NBEA: variants seen among roughly 807,000 people sequenced by gnomAD.
NBEA encodes neurobeachin.
In NBEA, 44 loss-of-function variants were observed where a neutral mutation model predicts 343.4. That is an observed-to-expected ratio of 0.13 (90% CI 0.10 to 0.16). The LOEUF is 0.16. NBEA is among the 10% of genes least tolerant of loss of function. NBEA has a pLI of 1.00. For synonymous variants in NBEA, 1,175 were observed against 1,238.7 expected (o/e 0.95, Z 1.08); for missense variants, 2,555 against 3,631.3 (o/e 0.70, Z 7.62).
chr13:35,433,960 T>C (rs2152931858), intron 39 of NBEA, among the ~76,000 whole-genome samples: 1 of 152,206 alleles, frequency 6.6e-6, no homozygotes, highest in South Asian at 2.1e-4. Context: ...TGGAAACATA[T>C]AAAGACAATT....
chr13:35,604,408 A>T (rs2082196093), intron 47 of NBEA, among the ~76,000 whole-genome samples: 1 of 152,056 alleles, frequency 6.6e-6, no homozygotes. Flanking sequence ...AGTGTGAGCC[A>T]TCTAATTCCC....
chr13:34,987,425 C>T (rs1409946460), intron 1 of NBEA, among the ~76,000 whole-genome samples: 1 of 150,910 alleles, frequency 6.6e-6, no homozygotes, highest in Non-Finnish European at 1.5e-5. Context: ...CTGCCCTTAA[C>T]ATTTTTTCCT....
At chr13:35,280,491 AC>A (rs1055088619) in intron 34 of NBEA, among the ~76,000 whole-genome samples, 1 of 152,050 alleles carries the variant, frequency 6.6e-6, no homozygotes, top group African/African-American at 2.4e-5. Context: ...TTTTAATTCC[AC>A]CATTTTCTAA....
chr13:34,993,433 T>A (rs1384297820), intron 1 of NBEA, among the ~76,000 whole-genome samples: 2 of 152,236 alleles, frequency 1.3e-5, no homozygotes, highest in African/African-American at 4.8e-5. Context: ...TTTCTGCATC[T>A]ATTACAGACC....
In NBEA at chr13:35,598,991, A is replaced by G. The variant is rs1328577882; in HGVS notation, c.7296+5544A>G. Among the ~76,000 whole-genome samples the G allele has an allele frequency of 2.0e-5, 3 of 152,286 alleles. No individual in the cohort carries two copies. The East Asian group carries it at 5.8e-4, about 29-fold the overall frequency. On this transcript the variant is annotated intron_variant, in intron 47 of 58. Coordinates refer to ENST00000379939, the MANE Select transcript of NBEA (RefSeq NM_001385012.1). ...TCTTTTGCATAGCTTACACCATTAG[A>G]TGAAACCATTGGTCACTTTCAGCAT...
chr13:35,539,559 AT>A (rs2078712405), intron 41 of NBEA, among the ~76,000 whole-genome samples: 1 of 152,072 alleles, frequency 6.6e-6, no homozygotes, highest in Non-Finnish European at 1.5e-5. Flanking sequence ...TATGATTTTG[AT>A]TTTCATGACA....
At chr13:35,197,769 G>C (rs1475484451) in intron 31 of NBEA, among the ~76,000 whole-genome samples, 3 of 152,116 alleles carry the variant, frequency 2.0e-5, no homozygotes, top group African/African-American at 7.2e-5. Context: ...CAAAGTGCTA[G>C]GATTACAGGC....
At chr13:35,176,066 A>T (rs2070876141) in intron 27 of NBEA, among the ~76,000 whole-genome samples, 1 of 152,154 alleles carries the variant, frequency 6.6e-6, no homozygotes, top group Admixed American at 6.6e-5. Context: ...CAGATGATGT[A>T]GCTGAAGTTC....
At chr13:35,239,361 T>C (rs2075381588) in intron 34 of NBEA, among the ~76,000 whole-genome samples, 1 of 152,110 alleles carries the variant, frequency 6.6e-6, no homozygotes, top group African/African-American at 2.4e-5. Context: ...GAGAATTAAC[T>C]AAATGAGGGT....
At chr13:35,260,185 A>G (rs2033079788) in intron 34 of NBEA, among the ~76,000 whole-genome samples, 1 of 152,214 alleles carries the variant, frequency 6.6e-6, no homozygotes, top group African/African-American at 2.4e-5. Flanking sequence ...GTCTTTAGCC[A>G]AGGTTAAAGC....
chr13:35,486,470 A>G (rs541530070), intron 41 of NBEA, among the ~76,000 whole-genome samples: 1 of 152,194 alleles, frequency 6.6e-6, no homozygotes, highest in Admixed American at 6.5e-5. Flanking sequence ...ATGGGTGACA[A>G]GGAACAGGGA....
intron 1 of NBEA, among the ~76,000 whole-genome samples, chr13:34,943,821 T>G (rs1423450689): frequency 1.3e-5 from 2 of 152,216 alleles, no homozygotes; most frequent in Non-Finnish European, 2.9e-5. Context: ...GTGGTTACTT[T>G]CAGTAGTGTG....
At chr13:35,311,081 C>A (rs1188081947) in intron 36 of NBEA, among the ~76,000 whole-genome samples, 1 of 152,038 alleles carries the variant, frequency 6.6e-6, no homozygotes, top group Non-Finnish European at 1.5e-5. Context: ...CACTGCAACA[C>A]CAAAGTTGCA....
intron 18 of NBEA, among the ~76,000 whole-genome samples, chr13:35,152,355 A>G (rs1428576495): frequency 6.6e-6 from 1 of 152,178 alleles, no homozygotes; most frequent in Non-Finnish European, 1.5e-5. Context: ...CAAACTTTCT[A>G]TTCACAGAAA....
At chr13:35,585,037 T>C (rs1220362500) in intron 46 of NBEA, among the ~76,000 whole-genome samples, 1 of 151,322 alleles carries the variant, frequency 6.6e-6, no homozygotes, top group Non-Finnish European at 1.5e-5. Flanking sequence ...TTGGGCAGCA[T>C]GTTTTAAAAC....
chr13:35,019,083 A>G (rs186826307), intron 1 of NBEA, among the ~76,000 whole-genome samples: 22 of 150,868 alleles, frequency 1.5e-4, no homozygotes, highest in Admixed American at 2.6e-4. Flanking sequence ...CAAATCTTGC[A>G]CTCCTGGGAT....
At chr13:35,299,172 T>C (rs1473136851) in intron 35 of NBEA, among the ~76,000 whole-genome samples, 1 of 152,134 alleles carries the variant, frequency 6.6e-6, no homozygotes. Context: ...TAAATAGATA[T>C]TAAAGATATC....
At chr13:35,139,084 A>G (rs201922446) in intron 17 of NBEA, among the ~76,000 whole-genome samples, 3 of 110,838 alleles carry the variant, frequency 2.7e-5, no homozygotes, top group East Asian at 2.7e-4. Context: ...TTTTTGAGAC[A>G]GAGCCTAACT....
At chr13:35,179,279 A>G (rs956632329) in intron 28 of NBEA, among the ~76,000 whole-genome samples, 3 of 151,642 alleles carry the variant, frequency 2.0e-5, no homozygotes, top group Non-Finnish European at 3.0e-5. Context: ...TGCTTGATAC[A>G]TAATATAAAC....
Sources: allele counts gnomAD v4.1 joint callset (sites outside exome capture counted in the v4.1 genomes callset), GRCh38; gene constraint gnomAD v4.1.1; transcripts MANE v1.5; gene names NCBI Gene and HGNC (gene_info 2026-07-23, HGNC 2026-07-21).